OPCML: variants seen among roughly 807,000 people sequenced by gnomAD.
OPCML encodes opioid binding protein/cell adhesion molecule like.
A neutral mutation model predicts 37.8 loss-of-function variants in OPCML; 13 were observed. That is an observed-to-expected ratio of 0.34 (90% CI 0.22 to 0.55). The LOEUF (loss-of-function observed/expected upper bound fraction) is 0.55, where lower values mean the gene tolerates loss of function less well. Among genes scored for constraint, OPCML ranks in the 20% least tolerant of loss-of-function variants. The pLI is 0.91. For missense variants in OPCML, 341 were observed against 435.6 expected (o/e 0.78, Z 1.93); for synonymous variants, 176 against 168.8 (o/e 1.04, Z -0.33).
chr11:133,168,871 G>A (rs903887339), intron 1 of OPCML, among the ~76,000 whole-genome samples: 2 of 152,200 alleles, frequency 1.3e-5, no homozygotes, highest in Non-Finnish European at 2.9e-5. Context: ...GCTCACTCCT[G>A]TAATCCCAGT....
intron 4 of OPCML, among the ~76,000 whole-genome samples, chr11:132,510,905 T>C (rs2096267423): frequency 6.6e-6 from 1 of 152,170 alleles, no homozygotes; most frequent in South Asian, 2.1e-4. Flanking sequence ...TTTCCTCTAA[T>C]CAGAAATTAG....
chr11:133,191,504 G>GGGGTGTGTGT (rs772369397), intron 1 of OPCML, among the ~76,000 whole-genome samples: 14 of 142,360 alleles, frequency 9.8e-5, no homozygotes, highest in African/African-American at 3.7e-4. Flanking sequence ...TGTGTGTGTG[G>GGGGTGTGTGT]GTGTGTGTGT....
intron 2 of OPCML, among the ~76,000 whole-genome samples, chr11:132,776,235 C>T (rs1946805540): frequency 6.6e-6 from 1 of 152,382 alleles, no homozygotes; most frequent in South Asian, 2.1e-4. Flanking sequence ...CAGCTGCATC[C>T]TGTTTCTTTC....
intron 1 of OPCML, among the ~76,000 whole-genome samples, chr11:132,965,746 T>G (rs1946200179): frequency 1.3e-5 from 2 of 152,164 alleles, no homozygotes; most frequent in African/African-American, 4.8e-5. Flanking sequence ...TTGGCCAGGA[T>G]GGTCTCCACC....
intron 3 of OPCML, among the ~76,000 whole-genome samples, chr11:132,631,082 G>A (rs1940072910): frequency 1.3e-5 from 2 of 152,052 alleles, no homozygotes; most frequent in Admixed American, 6.5e-5. Flanking sequence ...CAAATTTATG[G>A]TGATAGATAT....
At chr11:132,856,654 C>A (rs1047062346) in intron 2 of OPCML, among the ~76,000 whole-genome samples, 4 of 152,190 alleles carry the variant, frequency 2.6e-5, no homozygotes, top group Non-Finnish European at 4.4e-5. Context: ...TGGTATATGA[C>A]CTTCCTCTAG....
intron 1 of OPCML, chr11:133,004,794 CCA>C: frequency 1.0e-6 from 1 of 985,446 alleles, no homozygotes; most frequent in African/African-American, 1.7e-5. Context: ...CTTCCTTCCA[CCA>C]CACTCCGTCT....
chr11:132,635,224 T>C (rs1182638425), intron 3 of OPCML, among the ~76,000 whole-genome samples: 2 of 152,204 alleles, frequency 1.3e-5, no homozygotes, highest in African/African-American at 2.4e-5. Context: ...TCTAAAACTA[T>C]GGAGTATGCT....
chr11:132,723,580 A>G (rs1316058100), intron 2 of OPCML, among the ~76,000 whole-genome samples: 2 of 152,206 alleles, frequency 1.3e-5, no homozygotes, highest in African/African-American at 4.8e-5. Context: ...AACGTATCAT[A>G]GAATAATGTT....
intron 1 of OPCML, among the ~76,000 whole-genome samples, chr11:133,074,925 G>C (rs1193335317): frequency 6.6e-6 from 1 of 152,042 alleles, no homozygotes; most frequent in Non-Finnish European, 1.5e-5. Context: ...ACAGAATGAC[G>C]CCCACCCCTG....
At chr11:132,765,069 A>T (rs1019432071) in intron 2 of OPCML, among the ~76,000 whole-genome samples, 4 of 151,872 alleles carry the variant, frequency 2.6e-5, no homozygotes, top group Admixed American at 2.6e-4. Flanking sequence ...CGTTTTGCTG[A>T]CCCAGCCTCT....
chr11:132,750,454 C>T (rs1945793429), intron 2 of OPCML, among the ~76,000 whole-genome samples: 1 of 152,094 alleles, frequency 6.6e-6, no homozygotes, highest in Non-Finnish European at 1.5e-5. Context: ...GGTGGCTGTC[C>T]ATTCCAAATA....
At chr11:132,631,060 A>C (rs960482558) in intron 3 of OPCML, among the ~76,000 whole-genome samples, 12 of 152,068 alleles carry the variant, frequency 7.9e-5, no homozygotes, top group African/African-American at 2.9e-4. Flanking sequence ...AGAAACTCAA[A>C]ATTAGGCAAA....
chr11:132,442,145 A>G (rs932529695), intron 4 of OPCML, among the ~76,000 whole-genome samples: 2 of 152,236 alleles, frequency 1.3e-5, no homozygotes, highest in African/African-American at 4.8e-5. Flanking sequence ...TTCACCTTGC[A>G]TAGTCTGCAA....
At chr11:133,267,438 C>T (rs1251205704) in intron 1 of OPCML, among the ~76,000 whole-genome samples, 1 of 152,166 alleles carries the variant, frequency 6.6e-6, no homozygotes, top group Non-Finnish European at 1.5e-5. Flanking sequence ...TCAAATCCTC[C>T]TTGCATATCT....
chr11:133,141,786 A>G (rs1163884625), intron 1 of OPCML, among the ~76,000 whole-genome samples: 1 of 152,184 alleles, frequency 6.6e-6, no homozygotes, highest in Non-Finnish European at 1.5e-5. Flanking sequence ...CCTTAACAAT[A>G]CTATTTAACC....
At chr11:133,061,289 C>T (rs1948337042) in intron 1 of OPCML, among the ~76,000 whole-genome samples, 1 of 152,240 alleles carries the variant, frequency 6.6e-6, no homozygotes, top group Admixed American at 6.5e-5. Context: ...TATTGGCAGA[C>T]TCCAAAGGAT....
chr11:132,430,112 T>C (rs577794870), intron 7 of OPCML, among the ~76,000 whole-genome samples: 1 of 152,274 alleles, frequency 6.6e-6, no homozygotes, highest in East Asian at 1.9e-4. Flanking sequence ...ACAATGCGAA[T>C]TCTCCCTCCC....
At chr11:133,262,350 A>G (rs933512948) in intron 1 of OPCML, among the ~76,000 whole-genome samples, 3 of 152,202 alleles carry the variant, frequency 2.0e-5, no homozygotes, top group African/African-American at 7.2e-5. Context: ...CACCCAGTAA[A>G]TATTAGCTGT....
Sources: gnomAD v4.1 joint callset for allele counts (sites outside exome capture counted in the v4.1 genomes callset) on GRCh38, gnomAD v4.1.1 for gene constraint, MANE v1.5 for transcripts, NCBI Gene and HGNC (gene_info 2026-07-23, HGNC 2026-07-21) for gene names.